RNPEP: variants seen among roughly 807,000 people sequenced by gnomAD.
The protein encoded by RNPEP is arginyl aminopeptidase, also known as aminopeptidase B.
In RNPEP, 57 loss-of-function variants were observed where a neutral mutation model predicts 70.1. The observed-to-expected ratio is 0.81, with a 90% confidence interval of 0.66 to 1.01. RNPEP has a LOEUF of 1.01. Among genes scored for constraint, RNPEP ranks in the 50% least tolerant of loss-of-function variants. The probability of loss-of-function intolerance (pLI) is 0.00; values close to 1 mark genes in which losing one functional copy is unlikely to be tolerated. For synonymous variants in RNPEP, 335 were observed against 357.4 expected (o/e 0.94, Z 0.71); for missense variants, 787 against 852.4 (o/e 0.92, Z 0.96).
chr1:201,998,260 G>C (rs1269822822), intron 5 of RNPEP, among the ~76,000 whole-genome samples: 1 of 117,678 alleles, frequency 8.5e-6, no homozygotes, highest in African/African-American at 3.4e-5. Context: ...TTGAGACAGA[G>C]TCTTGTTCTG....
Position 201,982,691 on chromosome 1 carries a change from G to C in RNPEP, c.25G>C (p.Gly9Arg), listed in dbSNP as rs1000661346. Residue 9 changes from glycine (G) to arginine (R), a missense_variant, in exon 1 of 11, where the codon GGC (glycine) becomes CGC (arginine). Gly to Arg is a moderately radical substitution (Grantham distance 125, BLOSUM62 -2). Coordinates refer to ENST00000295640, the MANE Select transcript of RNPEP (RefSeq NM_020216.4). ...CATGGCGAGCGGCGAGCATTCCCCCGGCAGCGGCGCGGCCCGGCGGCCGCT... is the reference window on the plus strand; with the variant it reads ...CATGGCGAGCGGCGAGCATTCCCCCCGCAGCGGCGCGGCCCGGCGGCCGCT... MASGEHSP[G>R]SGAARRPLHS... 3 of 1,392,048 alleles carry C rather than the reference G, an allele frequency of 2.2e-6. No homozygotes were observed. Among genetic ancestry groups the C allele is most frequent in the East Asian group, 3.1e-5 (1 of 32,018 alleles). The allele number at this position is 1,392,048 out of a possible 1,614,324, so 86.2% of individuals were successfully genotyped here.
intron 1 of RNPEP, among the ~76,000 whole-genome samples, chr1:201,986,997 T>A (rs1683152422): frequency 6.6e-6 from 1 of 152,196 alleles, no homozygotes. Flanking sequence ...GTACCTGTTA[T>A]AAGGAGACTA....
Position 201,989,092 on chromosome 1 carries a change from A to AT in RNPEP, c.588+51dup, listed in dbSNP as rs772105581. ...CACCTGCCCTTGGGATGAAGAAATG[A>AT]TTTCAGATCTATCAATCAGGTCACG... On this transcript the variant is annotated intron_variant, in intron 2 of 10. Coordinates refer to ENST00000295640, the MANE Select transcript of RNPEP (RefSeq NM_020216.4). 9 of 1,583,272 alleles carry AT rather than the reference A, an allele frequency of 5.7e-6. No homozygotes were observed. In the African/African-American group the frequency reaches 1.2e-4, roughly 21 times the overall value.
chr1:202,001,463 A>T lies in RNPEP; in HGVS notation c.1292A>T (p.Gln431Leu). 1 of 1,613,118 alleles carries T rather than the reference A, an allele frequency of 6.2e-7. No homozygotes were observed. Among genetic ancestry groups the T allele is most frequent in the Non-Finnish European group, 8.5e-7 (1 of 1,179,066 alleles). ...VSYLAHLVGD[Q>L]DQFDSFLKAY... ...TACCTGGCCCACTTGGTGGGTGATC[A>T]GGATCAGTTTGACAGTTTTCTCAAG... is the stretch of plus-strand genomic sequence containing the variant. The change falls in exon 7 of 11, where the codon CAG becomes CTG. Residue 431 changes from glutamine to leucine, a missense_variant. Physicochemically the swap from Gln to Leu is moderately radical, Grantham distance 113. Coordinates refer to ENST00000295640, the MANE Select transcript of RNPEP (RefSeq NM_020216.4).
intron 6 of RNPEP, among the ~76,000 whole-genome samples, chr1:202,000,640 G>T (rs1162422517): frequency 6.6e-6 from 1 of 152,150 alleles, no homozygotes; most frequent in Non-Finnish European, 1.5e-5. Context: ...GGGCATGGTG[G>T]TTCACGCCTG....
intron 4 of RNPEP, among the ~76,000 whole-genome samples, chr1:201,996,872 T>C (rs1393921504): frequency 6.6e-6 from 1 of 152,150 alleles, no homozygotes; most frequent in East Asian, 1.9e-4. Context: ...AGGTCCTTTG[T>C]TGACCTGTGT....
intron 1 of RNPEP, 32 bp downstream of exon 1, chr1:201,983,145 C>T (rs1346731537): frequency 2.1e-6 from 3 of 1,435,514 alleles, no homozygotes; most frequent in South Asian, 1.5e-5. Flanking sequence ...CCCGCCGCTG[C>T]CTGCCTGCCC....
chr1:201,997,358 A>C lies in RNPEP; in HGVS notation c.894A>C (p.Gly298=), dbSNP rs139712457. The part of the protein sequence containing the change: ...LLFMPPSFPF[G]GMENPCLTFV... ...TCATGCCACCGTCCTTTCCATTTGG[A>C]GGAATGGAGAACCCTTGTCTGACCT... The change falls in exon 5 of 11, where the codon GGA becomes GGC. Residue 298 remains glycine, a synonymous_variant. Transcript: ENST00000295640. 1,621 of 1,614,006 alleles carry C rather than the reference A, an allele frequency of 1.0e-3. 34 individuals are homozygous for C. In the East Asian group the frequency reaches 0.031, roughly 30 times the overall value.
intron 1 of RNPEP, among the ~76,000 whole-genome samples, chr1:201,988,478 A>G (rs956079502): frequency 1.4e-5 from 2 of 146,204 alleles, no homozygotes; most frequent in Non-Finnish European, 3.1e-5. Context: ...AAAAAAAAAA[A>G]AAAAACATAT....
At chr1:201,988,477 A>AAAC (rs1683211530) in intron 1 of RNPEP, among the ~76,000 whole-genome samples, 3 of 147,916 alleles carry the variant, frequency 2.0e-5, no homozygotes, top group Non-Finnish European at 4.5e-5. Context: ...AAAAAAAAAA[A>AAAC]AAAAAACATA....
At chr1:202,000,167 CCTGGG>C (rs1458273712) in intron 6 of RNPEP, 152 bp downstream of exon 6, 1 of 595,968 alleles carries the variant, frequency 1.7e-6, no homozygotes, top group Non-Finnish European at 2.9e-6. Context: ...TTCTCTGGCC[CCTGGG>C]CTGACTGAAC....
Position 201,982,730 on chromosome 1 carries a change from G to T in RNPEP, c.64G>T (p.Ala22Ser). ...AARRPLHSAQ[A>S]VDVASASNFR... ...CCGGCGGCCGCTGCACTCCGCGCAG[G>T]CTGTGGACGTGGCCTCGGCCTCCAA... The change falls in exon 1 of 11, where the codon GCT becomes TCT. Residue 22 changes from alanine to serine, a missense_variant. Ala to Ser is a moderately conservative substitution (Grantham distance 99). Coordinates refer to ENST00000295640, the MANE Select transcript of RNPEP (RefSeq NM_020216.4). 7.2e-7 allele frequency: 1 copy of T among 1,393,194 alleles called. No individual in the cohort carries two copies. Among genetic ancestry groups the T allele is most frequent in the South Asian group, 1.6e-5 (1 of 61,398 alleles). 86.3% of individuals were successfully genotyped at this position (1,393,194 alleles called of 1,614,324 possible).
chr1:201,990,326 T>A (rs1683281106), intron 3 of RNPEP, among the ~76,000 whole-genome samples: 1 of 152,242 alleles, frequency 6.6e-6, no homozygotes. Flanking sequence ...CTGCAGCAGA[T>A]GCATGAGTCT....
intron 2 of RNPEP, 80 bp from the exon 3 acceptor site, chr1:201,989,303 T>G (rs562248670): frequency 6.6e-7 from 1 of 1,505,300 alleles, no homozygotes; most frequent in East Asian, 2.3e-5. Flanking sequence ...CACACACAGG[T>G]GGCCGGTCAT....
intron 1 of RNPEP, among the ~76,000 whole-genome samples, chr1:201,985,769 G>A (rs1396121042): frequency 2.0e-5 from 3 of 152,146 alleles, no homozygotes; most frequent in African/African-American, 7.2e-5. Flanking sequence ...TACCGATACT[G>A]GAGTCCATAG....
Position 202,006,077 on chromosome 1 carries a change from TG to T in RNPEP, c.*363del, listed in dbSNP as rs531796195. On this transcript the variant is annotated 3_prime_UTR_variant, in exon 11 of 11. Coordinates refer to ENST00000295640, the MANE Select transcript of RNPEP (RefSeq NM_020216.4). ...TTCTTGCTGATTTTATGCAAAGGGC[TG>T]GCATTCTGATTGTTCTTTTTTCAGG... 1.7e-4 allele frequency: 35 copies of T among 207,538 alleles called. No homozygotes were observed. The highest frequency in any genetic ancestry group is 7.2e-4 in the African/African-American group (32 of 44,384). The allele number at this position is 207,538 out of a possible 1,614,324, so 12.9% of individuals were successfully genotyped here. A position where few individuals can be genotyped will look rare whatever the true frequency, so the allele number is the denominator to read the frequency against.
At position 201,999,982 on chromosome 1, in the gene RNPEP, C is replaced by T. The variant is rs374022832; in HGVS notation, c.1171C>T (p.Pro391Ser). Residue 391 changes from proline to serine, a missense_variant, in exon 6 of 11, where the codon CCA becomes TCA. Pro to Ser is a moderately conservative substitution (Grantham distance 74). Transcript: ENST00000295640. ...CATGGACATCACTGGAGAGGAAAAC[C>T]CACTCAACAAGCTCCGCGTGAAGAT... is the stretch of plus-strand genomic sequence containing the variant. ...QHMDITGEEN[P>S]LNKLRVKIEP... 1.9e-6 allele frequency: 3 copies of T among 1,613,768 alleles called. No individual in the cohort carries two copies. The highest frequency in any genetic ancestry group is 2.5e-6 in the Non-Finnish European group (3 of 1,179,916).
chr1:201,996,465 TTGTGTGTG>T lies in RNPEP; in HGVS notation c.854+238_854+245del, dbSNP rs71281164. 1.0e-3 allele frequency: 239 copies of T among 233,086 alleles called. 1 individual carries two copies. The highest frequency in any genetic ancestry group is 2.8e-3 in the Middle Eastern group (2 of 710). The allele number at this position is 233,086 out of a possible 1,614,324, so 14.4% of individuals were successfully genotyped here. On this transcript the variant is annotated intron_variant, in intron 4 of 10. Coordinates refer to ENST00000295640, the MANE Select transcript of RNPEP (RefSeq NM_020216.4). ...GAGAGGGCCTAGGAGATGAGGTTCT[TTGTGTGTG>T]TGTGTGTGTGTGTGTGTGTGTGTGT...
At chr1:202,001,619 C>G (rs557916867) in intron 7 of RNPEP, 40 bp from the exon 8 acceptor site, 1 of 1,518,394 alleles carries the variant, frequency 6.6e-7, no homozygotes, top group South Asian at 1.1e-5. Context: ...CCACTCCCCA[C>G]GGGGCCAGAG....
Sources: allele counts gnomAD v4.1 joint callset (sites outside exome capture counted in the v4.1 genomes callset), GRCh38; gene constraint gnomAD v4.1.1; transcripts MANE v1.5; gene names NCBI Gene and HGNC (gene_info 2026-07-23, HGNC 2026-07-21).